The following IL1RAP variants were observed in gnomAD, a reference collection of about 807,000 sequenced individuals.
IL1RAP encodes the protein interleukin-1 receptor accessory protein.
IL1RAP carries 35 observed loss-of-function variants against 60.7 expected under a neutral mutation model. The observed-to-expected ratio is 0.58, with a 90% CI of 0.44 to 0.76. IL1RAP has a LOEUF of 0.76. IL1RAP is among the 30% of genes least tolerant of loss of function. The pLI is 0.00. For missense variants in IL1RAP, 572 were observed against 693.9 expected, an observed-to-expected ratio of 0.82 and a Z score of 1.97; for synonymous variants, 268 against 250.9, an observed-to-expected ratio of 1.07 and a Z score of -0.64.
At position 190,599,434 on chromosome 3, in the gene IL1RAP, G is replaced by A. The variant is rs759830839; in HGVS notation, c.65-4694G>A. Among the ~76,000 whole-genome samples, 38 of 150,918 alleles carry A rather than the reference G, an allele frequency of 2.5e-4. 1 individual carries two copies. Among genetic ancestry groups the A allele is most frequent in the Non-Finnish European group, 1.5e-5 (1 of 67,788 alleles). The stretch of plus-strand genomic sequence containing the variant: ...TCGCTTCATTATCTTCTAGTTTCCA[G>A]TCTTGTGTTTGGGAGTTCCCAAACC... On this transcript the variant is annotated intron_variant, in intron 3 of 11. Coordinates refer to ENST00000447382, the MANE Select transcript of IL1RAP (RefSeq NM_002182.4).
chr3:190,580,266 C>G (rs945470846), intron 3 of IL1RAP, among the ~76,000 whole-genome samples: 5 of 152,160 alleles, frequency 3.3e-5, no homozygotes, highest in African/African-American at 1.2e-4. Context: ...CTGTGAGTAT[C>G]TCATGTTCAA....
intron 3 of IL1RAP, among the ~76,000 whole-genome samples, chr3:190,572,868 T>TTTTTTG (rs1415362071): frequency 2.7e-5 from 1 of 36,504 alleles, no homozygotes; most frequent in Non-Finnish European, 6.1e-5. Context: ...TGTTTTTTTT[T>TTTTTTG]TTTTTTTTTT....
At chr3:190,613,297 G>T (rs1182269335) in intron 5 of IL1RAP, among the ~76,000 whole-genome samples, 1 of 152,162 alleles carries the variant, frequency 6.6e-6, no homozygotes, top group African/African-American at 2.4e-5. Flanking sequence ...TAAGTAATGG[G>T]TTAGGTAATG....
At chr3:190,585,047 A>G (rs901279206) in intron 3 of IL1RAP, among the ~76,000 whole-genome samples, 6 of 152,196 alleles carry the variant, frequency 3.9e-5, no homozygotes, top group Admixed American at 2.6e-4. Context: ...ATGGTGTGCT[A>G]TACTGCAGAG....
At chr3:190,637,304 C>G (rs1292650635) in intron 9 of IL1RAP, among the ~76,000 whole-genome samples, 1 of 152,108 alleles carries the variant, frequency 6.6e-6, no homozygotes, top group African/African-American at 2.4e-5. Context: ...GACAAATTCT[C>G]TCAGCTTTGT....
chr3:190,624,469 C>T (rs1328552341), intron 7 of IL1RAP: 1 of 152,152 alleles, frequency 6.6e-6, no homozygotes, highest in Non-Finnish European at 1.5e-5. Context: ...TATATGACCT[C>T]CCAACTGTTT....
chr3:190,519,760 A>T (rs775137444), intron 1 of IL1RAP, among the ~76,000 whole-genome samples: 5 of 151,796 alleles, frequency 3.3e-5, no homozygotes, highest in South Asian at 2.1e-4. Context: ...TATTATTATT[A>T]TTTTTTTTAC....
chr3:190,591,678 C>G lies in IL1RAP; in HGVS notation c.65-12450C>G, dbSNP rs1728951988. On this transcript the variant is annotated intron_variant, in intron 3 of 11. Coordinates refer to ENST00000447382, the MANE Select transcript of IL1RAP (RefSeq NM_002182.4). ...TAGATATTCTTCATAGCCCCTAGCACTCACAGGATCCTGAATAAATATTAT... is the reference window on the plus strand; with the variant it reads ...TAGATATTCTTCATAGCCCCTAGCAGTCACAGGATCCTGAATAAATATTAT... Among the ~76,000 whole-genome samples, 5 of 152,242 alleles carry G rather than the reference C, an allele frequency of 3.3e-5. No individual in the cohort carries two copies. In the South Asian group the frequency reaches 1.0e-3, roughly 32 times the overall value.
At chr3:190,625,960 A>G (rs1732226304) in intron 7 of IL1RAP, among the ~76,000 whole-genome samples, 1 of 152,186 alleles carries the variant, frequency 6.6e-6, no homozygotes. Context: ...AGACTTAAGG[A>G]CGTTGCAATG....
intron 6 of IL1RAP, among the ~76,000 whole-genome samples, chr3:190,620,778 T>A (rs1252904894): frequency 1.3e-5 from 2 of 152,216 alleles, no homozygotes; most frequent in Non-Finnish European, 2.9e-5. Context: ...ACTCTGGAAC[T>A]GCAATTGATT....
intron 9 of IL1RAP, among the ~76,000 whole-genome samples, chr3:190,641,057 C>A (rs1167299674): frequency 6.6e-6 from 1 of 152,136 alleles, no homozygotes; most frequent in African/African-American, 2.4e-5. Context: ...CCTCCGCCTC[C>A]CAGGTTCAAG....
intron 9 of IL1RAP, among the ~76,000 whole-genome samples, chr3:190,632,777 G>C (rs1297881576): frequency 6.6e-6 from 1 of 152,060 alleles, no homozygotes; most frequent in Non-Finnish European, 1.5e-5. Flanking sequence ...ATACTCTGAG[G>C]TACTGGGTTA....
intron 8 of IL1RAP, among the ~76,000 whole-genome samples, chr3:190,627,697 A>T (rs1732427228): frequency 1.3e-5 from 2 of 152,238 alleles, no homozygotes; most frequent in African/African-American, 4.8e-5. Flanking sequence ...GAGCATCTTC[A>T]TCAGATTGTC....
intron 3 of IL1RAP, 88 bp from the exon 4 acceptor site, chr3:190,604,040 G>T (rs766834597): frequency 4.6e-6 from 6 of 1,308,164 alleles, no homozygotes; most frequent in East Asian, 2.4e-5. Context: ...GGAAAAGACC[G>T]GGTGAACTGA....
intron 3 of IL1RAP, among the ~76,000 whole-genome samples, chr3:190,591,691 G>T (rs1470699723): frequency 6.6e-6 from 1 of 152,050 alleles, no homozygotes; most frequent in Non-Finnish European, 1.5e-5. Context: ...ACAGGATCCT[G>T]AATAAATATT....
intron 3 of IL1RAP, among the ~76,000 whole-genome samples, chr3:190,587,268 G>T (rs1341329080): frequency 2.0e-5 from 3 of 152,200 alleles, no homozygotes; most frequent in Non-Finnish European, 2.9e-5. Flanking sequence ...CTGACTTGCT[G>T]TGTAATTGTG....
intron 3 of IL1RAP, among the ~76,000 whole-genome samples, chr3:190,600,608 A>C (rs997211819): frequency 6.6e-6 from 1 of 152,242 alleles, no homozygotes; most frequent in African/African-American, 2.4e-5. Context: ...AGGCAGAAGA[A>C]AAGGGAATTT....
intron 3 of IL1RAP, among the ~76,000 whole-genome samples, chr3:190,592,581 C>G (rs1404342265): frequency 1.3e-5 from 2 of 152,146 alleles, no homozygotes; most frequent in East Asian, 3.9e-4. Context: ...TTCAGGTGCT[C>G]TCCCACAAGG....
At chr3:190,566,602 G>A (rs1726423704) in intron 3 of IL1RAP, among the ~76,000 whole-genome samples, 1 of 152,170 alleles carries the variant, frequency 6.6e-6, no homozygotes, top group Non-Finnish European at 1.5e-5. Flanking sequence ...TCTCATACCA[G>A]CCACATTGCG....
Sources: gnomAD v4.1 joint callset for allele counts (sites outside exome capture counted in the v4.1 genomes callset) on GRCh38, gnomAD v4.1.1 for gene constraint, MANE v1.5 for transcripts, NCBI Gene and HGNC (gene_info 2026-07-23, HGNC 2026-07-21) for gene names.